PCDHGB4: variants seen among roughly 807,000 people sequenced by gnomAD.
PCDHGB4 encodes the protein protocadherin gamma-B4.
A neutral mutation model predicts 60.5 loss-of-function variants in PCDHGB4; 38 were observed. That is an observed-to-expected ratio of 0.63 (90% CI 0.48 to 0.82). The LOEUF is 0.82. Among genes scored for constraint, PCDHGB4 ranks in the 40% least tolerant of loss-of-function variants. The probability of loss-of-function intolerance (pLI) is 0.00; values close to 1 mark genes in which losing one functional copy is unlikely to be tolerated. For missense variants in PCDHGB4, 1,109 were observed against 1,209.6 expected, an observed-to-expected ratio of 0.92 and a Z score of 1.23; for synonymous variants, 456 against 509.7, an observed-to-expected ratio of 0.89 and a Z score of 1.42.
chr5:141,444,044 T>C (rs188266846), intron 1 of PCDHGB4, among the ~76,000 whole-genome samples: 1 of 152,098 alleles, frequency 6.6e-6, no homozygotes, highest in East Asian at 1.9e-4. Flanking sequence ...ATCAGATAAT[T>C]TGGCATCTTC....
At chr5:141,430,947 G>T (rs1169662602) in intron 1 of PCDHGB4, 1 of 1,610,002 alleles carries the variant, frequency 6.2e-7, no homozygotes, top group Non-Finnish European at 8.5e-7. Flanking sequence ...GCGGAGCGCG[G>T]AGTCCGCATC....
chr5:141,401,512 A>G (rs556332375), intron 1 of PCDHGB4, among the ~76,000 whole-genome samples: 2 of 152,374 alleles, frequency 1.3e-5, no homozygotes, highest in South Asian at 4.1e-4. Context: ...CCACCTCTAT[A>G]TAATTACCAG....
chr5:141,418,748 A>G, intron 1 of PCDHGB4: 7 of 1,613,954 alleles, frequency 4.3e-6, no homozygotes, highest in East Asian at 2.2e-5. Context: ...TCTGGATTAC[A>G]CTACAGGAAA....
At chr5:141,409,438 A>C (rs1459982502) in intron 1 of PCDHGB4, 1 of 1,613,866 alleles carries the variant, frequency 6.2e-7, no homozygotes, top group Non-Finnish European at 8.5e-7. Context: ...CCCTGGACCG[A>C]GAGCAGACAC....
rs2099400874 is a variant in PCDHGB4 at position 141,476,888 on chromosome 5, C to T, written c.2398-17919C>T. On this transcript the variant is annotated intron_variant, in intron 1 of 3. Transcript: ENST00000519479. This position sits in a 1 kb window ranked among gnomAD's most constrained non-coding sequence, Gnocchi z 7.6. ...CCGGGCGCGCGTCCTGGAGGATGCA[C>T]CCTCCGGCACGCGCGTGGTACAAGT... is the stretch of plus-strand genomic sequence containing the variant. 1.2e-6 allele frequency: 2 copies of T among 1,613,964 alleles called. No homozygotes were observed. The highest frequency in any genetic ancestry group is 1.7e-6 in the Non-Finnish European group (2 of 1,180,030).
intron 1 of PCDHGB4, chr5:141,403,178 T>C (rs1294905670): frequency 6.2e-7 from 1 of 1,613,980 alleles, no homozygotes; most frequent in Middle Eastern, 1.7e-4. Flanking sequence ...GCAGCTTTTC[T>C]CTCTGAACCC....
intron 3 of PCDHGB4, among the ~76,000 whole-genome samples, chr5:141,509,532 A>C (rs2099877210): frequency 6.6e-6 from 1 of 152,124 alleles, no homozygotes; most frequent in African/African-American, 2.4e-5. Flanking sequence ...GCACAGGATG[A>C]AGCACCATCT....
At chr5:141,400,192 G>A (rs1411721247) in intron 1 of PCDHGB4, 1 of 1,614,088 alleles carries the variant, frequency 6.2e-7, no homozygotes, top group South Asian at 1.1e-5. Context: ...GTTTTACCTA[G>A]TGGTGGCCTT....
At chr5:141,443,713 A>G (rs774603084) in intron 1 of PCDHGB4, among the ~76,000 whole-genome samples, 19 of 152,246 alleles carry the variant, frequency 1.2e-4, no homozygotes, top group Admixed American at 8.5e-4. Flanking sequence ...ACATTTGCAT[A>G]TAAAATTCCT....
intron 1 of PCDHGB4, chr5:141,415,069 A>G (rs1323441877): frequency 1.1e-5 from 18 of 1,613,420 alleles, no homozygotes; most frequent in Non-Finnish European, 1.5e-5. Flanking sequence ...CGAGGTGCGC[A>G]CGGCGCGAGC....
chr5:141,413,588 A>G, intron 1 of PCDHGB4: 1 of 1,613,922 alleles, frequency 6.2e-7, no homozygotes, highest in Non-Finnish European at 8.5e-7. Context: ...CCAAAATTCC[A>G]AGCAGAAAAT....
chr5:141,444,240 C>T (rs1017550385), intron 1 of PCDHGB4, among the ~76,000 whole-genome samples: 4 of 128,690 alleles, frequency 3.1e-5, no homozygotes, highest in African/African-American at 5.9e-5. Context: ...GGCATGCTCT[C>T]GGCTCACTGC....
chr5:141,443,478 C>T (rs2098390426), intron 1 of PCDHGB4, among the ~76,000 whole-genome samples: 1 of 152,052 alleles, frequency 6.6e-6, no homozygotes, highest in East Asian at 1.9e-4. Context: ...AGAATTAGAC[C>T]CTGTCCCAAA....
At chr5:141,412,216 T>C (rs1247540521) in intron 1 of PCDHGB4, 1 of 152,244 alleles carries the variant, frequency 6.6e-6, no homozygotes, top group East Asian at 1.9e-4. Context: ...ACATAAACAC[T>C]TACTTGTTAA....
At chr5:141,465,657 G>A (rs904553709) in intron 1 of PCDHGB4, among the ~76,000 whole-genome samples, 4 of 152,130 alleles carry the variant, frequency 2.6e-5, no homozygotes, top group East Asian at 1.9e-4. Flanking sequence ...CCAAAAAAGC[G>A]CTTGCCATGA....
chr5:141,418,988 G>A, intron 1 of PCDHGB4: 1 of 1,613,946 alleles, frequency 6.2e-7, no homozygotes, highest in Non-Finnish European at 8.5e-7. Context: ...CCAAGACTCA[G>A]GGGAAAATGG....
At chr5:141,501,318 C>T (rs1273608837) in intron 2 of PCDHGB4, among the ~76,000 whole-genome samples, 1 of 151,766 alleles carries the variant, frequency 6.6e-6, no homozygotes, top group African/African-American at 2.4e-5. Flanking sequence ...CACACACACA[C>T]ACACACACAC....
intron 1 of PCDHGB4, among the ~76,000 whole-genome samples, chr5:141,452,988 T>C (rs2098753680): frequency 6.6e-6 from 1 of 152,228 alleles, no homozygotes; most frequent in Admixed American, 6.5e-5. Context: ...AGTACTGTGC[T>C]GAAAAGTTAC....
In PCDHGB4 at chr5:141,432,218, A is replaced by T. The variant is rs570925415; in HGVS notation, c.2397+41937A>T. On this transcript the variant is annotated intron_variant, in intron 1 of 3. Transcript: ENST00000519479. This position sits in a 1 kb window ranked among gnomAD's most constrained non-coding sequence, Gnocchi z 6.0. Reference sequence around the variant, plus strand: ...CCCCGACTGTGAAGAGAACGCCCAGATCACTTATTCCCTGGCTGAGAACAC... The same window carrying T: ...CCCCGACTGTGAAGAGAACGCCCAGTTCACTTATTCCCTGGCTGAGAACAC... The T allele has an allele frequency of 6.2e-7, 1 of 1,614,148 alleles. No homozygotes were observed. The highest frequency in any genetic ancestry group is 1.3e-5 in the African/African-American group (1 of 75,030).
Sources: allele counts gnomAD v4.1 joint callset (sites outside exome capture counted in the v4.1 genomes callset), GRCh38; gene constraint gnomAD v4.1.1; non-coding constraint Gnocchi (gnomAD v3.1); transcripts MANE v1.5; gene names NCBI Gene and HGNC (gene_info 2026-07-23, HGNC 2026-07-21).